The following NAALADL2 variants were observed in gnomAD, a reference collection of about 807,000 sequenced individuals.
NAALADL2 encodes the protein N-acetylated alpha-linked acidic dipeptidase like 2.
In NAALADL2, 76 loss-of-function variants were observed where a neutral mutation model predicts 87.2. The ratio of observed to expected loss-of-function variants is 0.87; its 90% CI spans 0.72 to 1.05. The LOEUF (loss-of-function observed/expected upper bound fraction) is 1.05. Ranked by LOEUF, NAALADL2 falls within the 50% of genes least tolerant of loss-of-function variation. NAALADL2 has a pLI of 0.00. For synonymous variants in NAALADL2, 354 were observed against 331.0 expected (o/e 1.07, Z -0.75); for missense variants, 1,089 against 945.8 (o/e 1.15, Z -1.99).
chr3:174,494,440 C>T (rs971533062), intron 1 of NAALADL2, among the ~76,000 whole-genome samples: 5 of 137,134 alleles, frequency 3.6e-5, no homozygotes, highest in Admixed American at 7.8e-5. Context: ...CACTTGGACA[C>T]GGGATGGGGA....
chr3:175,600,829 G>A (rs960987522), intron 10 of NAALADL2, among the ~76,000 whole-genome samples: 1 of 151,994 alleles, frequency 6.6e-6, no homozygotes, highest in Non-Finnish European at 1.5e-5. Flanking sequence ...GAGCCACCGC[G>A]CCCGGCCGTG....
chr3:174,986,917 G>C (rs1745951979), intron 1 of NAALADL2, among the ~76,000 whole-genome samples: 1 of 152,122 alleles, frequency 6.6e-6, no homozygotes, highest in Non-Finnish European at 1.5e-5. Context: ...CATACATTTT[G>C]TGCTTTCTGA....
chr3:174,879,804 C>G (rs913692166), intron 1 of NAALADL2, among the ~76,000 whole-genome samples: 4 of 152,160 alleles, frequency 2.6e-5, no homozygotes, highest in Non-Finnish European at 2.9e-5. Context: ...TTTCATCAAG[C>G]ATTTGCTCCA....
At chr3:174,495,140 T>TC (rs1718439957) in intron 1 of NAALADL2, among the ~76,000 whole-genome samples, 1 of 151,996 alleles carries the variant, frequency 6.6e-6, no homozygotes, top group South Asian at 2.1e-4. Context: ...AGAGAAAGTC[T>TC]CCATTATTTA....
rs571509382 is a variant in NAALADL2, at chr3:175,023,557, A to G, written c.44-73233A>G. 1.2e-4 allele frequency among the ~76,000 whole-genome samples: 18 copies of G among 152,172 alleles called. No individual in the cohort carries two copies. The South Asian group carries it at 3.3e-3, about 28-fold the overall frequency. ...AAAGGGGAAAGCTTATCAACTTCTC[A>G]TGGTTTCGAGGGGCTATGAAAAAAA... On this transcript the variant is annotated intron_variant, in intron 1 of 13. Transcript: ENST00000454872.
At chr3:174,483,748 A>AAAGTG (rs375496443) in intron 1 of NAALADL2, among the ~76,000 whole-genome samples, 27 of 152,194 alleles carry the variant, frequency 1.8e-4, no homozygotes, top group African/African-American at 5.1e-4. Context: ...AATGAGGAGA[A>AAAGTG]AAGTGAATGA....
chr3:174,634,027 T>A (rs1248308750), intron 2 of NAALADL2, among the ~76,000 whole-genome samples: 1 of 152,224 alleles, frequency 6.6e-6, no homozygotes, highest in Non-Finnish European at 1.5e-5. Flanking sequence ...ATTGCTCAGA[T>A]GATTAAATTA....
intron 5 of NAALADL2, among the ~76,000 whole-genome samples, chr3:175,363,998 C>T (rs976000208): frequency 6.7e-6 from 1 of 148,266 alleles, no homozygotes; most frequent in Non-Finnish European, 1.5e-5. Flanking sequence ...TTTTCATCAT[C>T]ATTTCATTAG....
chr3:175,752,705 G>A (rs995097853), intron 12 of NAALADL2, among the ~76,000 whole-genome samples: 1 of 152,106 alleles, frequency 6.6e-6, no homozygotes, highest in East Asian at 1.9e-4. Context: ...CTCTGCATCT[G>A]TACTACCATG....
intron 1 of NAALADL2, among the ~76,000 whole-genome samples, chr3:174,463,926 G>A (rs780683190): frequency 4.0e-5 from 6 of 151,788 alleles, no homozygotes; most frequent in Non-Finnish European, 7.4e-5. Flanking sequence ...TTTTTCTTTT[G>A]TATTCAGATT....
At chr3:175,271,718 G>C (rs556120542) in intron 4 of NAALADL2, among the ~76,000 whole-genome samples, 124 of 152,294 alleles carry the variant, frequency 8.1e-4, no homozygotes, top group South Asian at 2.3e-3. Context: ...TTTGAACAAG[G>C]GGGGAGGCAG....
chr3:174,919,314 T>C (rs1405651127), intron 1 of NAALADL2, among the ~76,000 whole-genome samples: 4 of 152,196 alleles, frequency 2.6e-5, no homozygotes, highest in African/African-American at 9.6e-5. Flanking sequence ...CAGTAGAACG[T>C]CTTTCAAAAT....
intron 1 of NAALADL2, among the ~76,000 whole-genome samples, chr3:174,980,428 A>G (rs1744957805): frequency 6.6e-6 from 1 of 152,148 alleles, no homozygotes; most frequent in Non-Finnish European, 1.5e-5. Flanking sequence ...TGAACCCAGG[A>G]GTTTGAGGCT....
chr3:175,706,899 T>C (rs1739804205), intron 11 of NAALADL2, among the ~76,000 whole-genome samples: 1 of 152,126 alleles, frequency 6.6e-6, no homozygotes, highest in African/African-American at 2.4e-5. Flanking sequence ...AATGATCATA[T>C]GCAATCCTCT....
At chr3:175,536,242 A>G (rs1372682659) in intron 9 of NAALADL2, among the ~76,000 whole-genome samples, 1 of 152,198 alleles carries the variant, frequency 6.6e-6, no homozygotes, top group African/African-American at 2.4e-5. Context: ...TTTCTGTCCC[A>G]TCTAATCAAT....
At chr3:174,757,703 C>T (rs1335744998) in intron 3 of NAALADL2, among the ~76,000 whole-genome samples, 3 of 151,784 alleles carry the variant, frequency 2.0e-5, no homozygotes, top group Non-Finnish European at 4.4e-5. Flanking sequence ...CAGGGTTTCA[C>T]CATATTGGCC....
intron 3 of NAALADL2, among the ~76,000 whole-genome samples, chr3:174,738,737 T>C (rs1701880851): frequency 6.6e-6 from 1 of 152,244 alleles, no homozygotes; most frequent in Non-Finnish European, 1.5e-5. Context: ...TAAACACTTA[T>C]TGCCTAGCAT....
At chr3:174,506,332 C>T (rs940944791) in intron 1 of NAALADL2, among the ~76,000 whole-genome samples, 16 of 152,056 alleles carry the variant, frequency 1.1e-4, no homozygotes, top group African/African-American at 3.9e-4. Context: ...AGGCACCCAC[C>T]ACCATACCCG....
At chr3:174,791,837 T>C (rs536529283) in intron 3 of NAALADL2, among the ~76,000 whole-genome samples, 1 of 152,286 alleles carries the variant, frequency 6.6e-6, no homozygotes, top group South Asian at 2.1e-4. Context: ...AAAATCATTA[T>C]TCTATTCATT....
Sources: gnomAD v4.1 joint callset for allele counts (sites outside exome capture counted in the v4.1 genomes callset) on GRCh38, gnomAD v4.1.1 for gene constraint, MANE v1.5 for transcripts, NCBI Gene and HGNC (gene_info 2026-07-23, HGNC 2026-07-21) for gene names.